SLC5A4: variants seen among roughly 807,000 people sequenced by gnomAD.
SLC5A4 encodes the protein probable glucose sensor protein SLC5A4.
SLC5A4 carries 55 observed loss-of-function variants against 70.3 expected under a neutral mutation model. The ratio of observed to expected loss-of-function variants is 0.78; its 90% CI spans 0.63 to 0.98. The LOEUF is 0.98. Among genes scored for constraint, SLC5A4 ranks in the 50% least tolerant of loss-of-function variants. The pLI is 0.00. For missense variants in SLC5A4, 735 were observed against 839.2 expected, an observed-to-expected ratio of 0.88 and a Z score of 1.53; for synonymous variants, 268 against 305.7, an observed-to-expected ratio of 0.88 and a Z score of 1.29.
At chr22:32,321,769 C>G in the SLC5A4 span, among the ~76,000 whole-genome samples, 1 of 152,150 alleles carries the variant, frequency 6.6e-6, no homozygotes, top group Non-Finnish European at 1.5e-5. Context: ...GCTTCCAGCT[C>G]CATGCATGTC....
the SLC5A4 span, among the ~76,000 whole-genome samples, chr22:32,336,557 G>A: frequency 6.6e-6 from 1 of 152,362 alleles, no homozygotes; most frequent in East Asian, 1.9e-4. Flanking sequence ...CCAGAAACAG[G>A]TGTGCCATGT....
chr22:32,253,220 TG>T (rs1438647038), intron 2 of SLC5A4, among the ~76,000 whole-genome samples: 1 of 152,204 alleles, frequency 6.6e-6, no homozygotes, highest in Admixed American at 6.5e-5. Context: ...CACTGTATAA[TG>T]TGATGCTGGG....
intron 5 of SLC5A4, among the ~76,000 whole-genome samples, chr22:32,245,780 G>T (rs1369069324): frequency 6.6e-6 from 1 of 152,156 alleles, no homozygotes; most frequent in Non-Finnish European, 1.5e-5. Context: ...CGGCCTCCCA[G>T]AGTGTTGGGA....
At chr22:32,345,308 G>A in the SLC5A4 span, among the ~76,000 whole-genome samples, 1 of 152,130 alleles carries the variant, frequency 6.6e-6, no homozygotes, top group African/African-American at 2.4e-5. Context: ...CAGTGTCAAC[G>A]TGTTTTTGCC....
rs1926438102 is a variant in SLC5A4 at position 32,240,253 on chromosome 22, T to C, written c.478-1163A>G. On this transcript the variant is annotated intron_variant, in intron 5 of 14. Coordinates refer to ENST00000266086, the MANE Select transcript of SLC5A4 (RefSeq NM_014227.3). ...TGGCTGGAATTCAATTAATTACATG[T>C]GTCTCTGACCCTCCTAGGGCCCTTA... is the stretch of plus-strand genomic sequence containing the variant. Among the ~76,000 whole-genome samples the C allele has an allele frequency of 3.9e-5, 6 of 152,110 alleles. 1 individual carries two copies. In the South Asian group the frequency reaches 6.2e-4, roughly 16 times the overall value.
Position 32,237,279 on chromosome 22 carries a change from A to G in SLC5A4, c.629T>C (p.Ile210Thr), listed in dbSNP as rs373558614. 146 of 1,610,228 alleles carry G rather than the reference A, an allele frequency of 9.1e-5. No individual in the cohort carries two copies. Among genetic ancestry groups the G allele is most frequent in the Middle Eastern group, 1.6e-4 (1 of 6,084 alleles). The change falls in exon 7 of 15, where the codon ATC (isoleucine) becomes ACC (threonine). Residue 210 changes from isoleucine (I) to threonine (T), a missense_variant. By Grantham distance (89) the Ile-to-Thr change is moderately conservative. Coordinates refer to ENST00000266086, the MANE Select transcript of SLC5A4 (RefSeq NM_014227.3). ...GAGAATAAAAGAGCCAATCAGCATG[A>G]TGATGGTCTGGAGGGTGTCTGTGTA... ...VIYTDTLQTIIMLIGSFILMG... is the reference protein window; with the variant it reads ...VIYTDTLQTITMLIGSFILMG...
the SLC5A4 span, chr22:32,270,901 C>T: frequency 1.8e-6 from 1 of 568,668 alleles, no homozygotes; most frequent in Non-Finnish European, 3.3e-6. Flanking sequence ...TCACGCTGTG[C>T]CTGTACCGAG....
chr22:32,239,558 A>ATATAAATATATATT (rs1926333481), intron 5 of SLC5A4, among the ~76,000 whole-genome samples: 3 of 24,984 alleles, frequency 1.2e-4, no homozygotes, highest in African/African-American at 2.2e-4. Context: ...ATATATATAT[A>ATATAAATATATATT]TATATATATA....
chr22:32,307,432 T>C, the SLC5A4 span, among the ~76,000 whole-genome samples: 4 of 152,132 alleles, frequency 2.6e-5, no homozygotes, highest in Non-Finnish European at 5.9e-5. Context: ...TAGGCACAAA[T>C]AGCCATTTCA....
chr22:32,299,428 T>C, the SLC5A4 span, among the ~76,000 whole-genome samples: 1 of 107,992 alleles, frequency 9.3e-6, no homozygotes, highest in South Asian at 3.1e-4. Flanking sequence ...CTGACACCCT[T>C]TCTTCCAGTT....
chr22:32,342,979 A>G, the SLC5A4 span: 1 of 152,258 alleles, frequency 6.6e-6, no homozygotes. Flanking sequence ...AATCAAACAC[A>G]GAACTGAAAA....
the SLC5A4 span, among the ~76,000 whole-genome samples, chr22:32,307,282 C>A: frequency 6.6e-6 from 1 of 151,928 alleles, no homozygotes; most frequent in Non-Finnish European, 1.5e-5. Context: ...CAAATCTGCT[C>A]TTCATCAAGC....
the SLC5A4 span, among the ~76,000 whole-genome samples, chr22:32,344,985 C>T: frequency 1.3e-5 from 2 of 152,036 alleles, no homozygotes; most frequent in African/African-American, 4.8e-5. Context: ...ACATTTTAAA[C>T]TTTAAGGCTT....
At chr22:32,353,581 C>G in the SLC5A4 span, among the ~76,000 whole-genome samples, 1 of 152,054 alleles carries the variant, frequency 6.6e-6, no homozygotes, top group Non-Finnish European at 1.5e-5. Context: ...ACCAGGGGGG[C>G]AGCGCAGCCC....
In SLC5A4 at chr22:32,229,424, A is replaced by C. The variant is rs1415042719; in HGVS notation, c.1130-80T>G. On this transcript the variant is annotated intron_variant, in intron 10 of 14. Transcript: ENST00000266086. Reference sequence around the variant, plus strand: ...AACCAGAGAGGGTTGAAAGGTTAAAAGTATCATCTGGAACATAGGTTAACT... The same window carrying C: ...AACCAGAGAGGGTTGAAAGGTTAAACGTATCATCTGGAACATAGGTTAACT... 9.6e-6 allele frequency: 14 copies of C among 1,462,306 alleles called. No individual in the cohort carries two copies. The East Asian group carries it at 3.0e-4, about 31-fold the overall frequency. 90.6% of individuals were successfully genotyped at this position (1,462,306 alleles called of 1,614,324 possible). A position where few individuals can be genotyped will look rare whatever the true frequency, so the allele number is the denominator to read the frequency against.
chr22:32,287,001 T>G, the SLC5A4 span, among the ~76,000 whole-genome samples: 2 of 152,158 alleles, frequency 1.3e-5, no homozygotes, highest in East Asian at 1.9e-4. Context: ...GCCATGATAT[T>G]GTGTGTGAGA....
At chr22:32,294,645 A>G in the SLC5A4 span, among the ~76,000 whole-genome samples, 1 of 142,678 alleles carries the variant, frequency 7.0e-6, no homozygotes, top group Non-Finnish European at 1.5e-5. Flanking sequence ...AGAGTATTAT[A>G]TAAATACAAT....
the SLC5A4 span, among the ~76,000 whole-genome samples, chr22:32,326,606 T>C: frequency 1.4e-3 from 219 of 152,222 alleles, 1 homozygote; most frequent in African/African-American, 5.0e-3. Flanking sequence ...AAGGAGGAGA[T>C]GCTATTAATC....
intron 5 of SLC5A4, among the ~76,000 whole-genome samples, chr22:32,242,435 C>T (rs1356548974): frequency 2.0e-5 from 3 of 152,134 alleles, no homozygotes; most frequent in Admixed American, 1.3e-4. Flanking sequence ...ACTGGCTGGG[C>T]GTGGTGGCTC....
Sources: allele counts gnomAD v4.1 joint callset (sites outside exome capture counted in the v4.1 genomes callset), GRCh38; gene constraint gnomAD v4.1.1; transcripts MANE v1.5; gene names NCBI Gene and HGNC (gene_info 2026-07-23, HGNC 2026-07-21).